The following BRAF variants were observed in gnomAD, a reference collection of about 807,000 sequenced individuals.
BRAF encodes the protein B-Raf proto-oncogene, serine/threonine kinase, also known as serine/threonine-protein kinase B-raf.
A neutral mutation model predicts 104.6 loss-of-function variants in BRAF; 16 were observed. The observed-to-expected ratio is 0.15, with a 90% CI of 0.10 to 0.23. The LOEUF is 0.23. BRAF is among the 10% of genes least tolerant of loss of function. The pLI is 1.00. For missense variants in BRAF, 541 were observed against 937.3 expected (o/e 0.58, Z 5.52); for synonymous variants, 310 against 341.6 (o/e 0.91, Z 1.02).
chr7:140,818,242 A>G (rs1805088729), intron 3 of BRAF, among the ~76,000 whole-genome samples: 1 of 151,706 alleles, frequency 6.6e-6, no homozygotes, highest in Admixed American at 6.6e-5. Flanking sequence ...AAAAATTAGT[A>G]TTTGTTCATT....
rs1320369437 is a variant in BRAF, at chr7:140,719,416, TAC to T, written c.*7076_*7077del. ...AGAACTTTTTTTGCCTTTTATATAA[TAC>T]AGTTTTTAAATAACTTTACACAGAA... On this transcript the variant is annotated 3_prime_UTR_variant, in exon 20 of 20. Coordinates refer to ENST00000644969, the MANE Select transcript of BRAF (RefSeq NM_001374258.1). The T allele has an allele frequency of 2.2e-5, 22 of 1,005,662 alleles. No homozygotes were observed. Among genetic ancestry groups the T allele is most frequent in the South Asian group, 1.9e-4 (4 of 21,098 alleles). The allele number at this position is 1,005,662 out of a possible 1,614,324, so 62.3% of individuals were successfully genotyped here.
At chr7:140,843,310 G>C (rs1808188120) in intron 2 of BRAF, among the ~76,000 whole-genome samples, 1 of 152,142 alleles carries the variant, frequency 6.6e-6, no homozygotes, top group Non-Finnish European at 1.5e-5. Flanking sequence ...TTGTATGAGG[G>C]AAAGATCTTA....
rs1795229996 is a variant in BRAF at position 140,719,669 on chromosome 7, G to A, written c.*6825C>T. 2.8e-6 allele frequency: 3 copies of A among 1,061,256 alleles called. No homozygotes were observed. In the South Asian group the frequency reaches 1.4e-4, roughly 48 times the overall value. 65.7% of individuals were successfully genotyped at this position (1,061,256 alleles called of 1,614,324 possible). ...CAAACATTGAGAATAGGGGAAAAGA[G>A]GGAGACATCATCCATTTGACTGAAA... On this transcript the variant is annotated 3_prime_UTR_variant, in exon 20 of 20. Transcript: ENST00000644969.
intron 3 of BRAF, among the ~76,000 whole-genome samples, chr7:140,822,026 G>A (rs118082092): frequency 1.3e-5 from 2 of 152,238 alleles, no homozygotes; most frequent in East Asian, 3.9e-4. Flanking sequence ...TACTAGAGCG[G>A]GGAGGGCAAA....
intron 1 of BRAF, among the ~76,000 whole-genome samples, chr7:140,859,965 G>A (rs1447563781): frequency 6.6e-6 from 1 of 152,198 alleles, no homozygotes; most frequent in Non-Finnish European, 1.5e-5. Flanking sequence ...GGGATTACAG[G>A]CGTAAGCCAC....
At chr7:140,814,671 T>A (rs1045537212) in intron 3 of BRAF, among the ~76,000 whole-genome samples, 18 of 147,684 alleles carry the variant, frequency 1.2e-4, no homozygotes, top group Middle Eastern at 7.1e-3. Context: ...TCTCAAAAAA[T>A]ATATATATAT....
At chr7:140,734,592 T>G (rs200360246) in intron 19 of BRAF, 1 of 1,613,962 alleles carries the variant, frequency 6.2e-7, no homozygotes, top group Admixed American at 1.7e-5. Context: ...TCTCACTCAT[T>G]TGTTTCAGTG....
At chr7:140,828,332 G>A (rs1383117306) in intron 3 of BRAF, among the ~76,000 whole-genome samples, 1 of 152,100 alleles carries the variant, frequency 6.6e-6, no homozygotes, top group Non-Finnish European at 1.5e-5. Context: ...TTTGTTGAGG[G>A]TTATAGTTCA....
chr7:140,915,656 G>A (rs970965376), intron 1 of BRAF, among the ~76,000 whole-genome samples: 9 of 151,826 alleles, frequency 5.9e-5, no homozygotes, highest in African/African-American at 1.2e-4. Context: ...GGTTGGTCTC[G>A]AACTCCTGAC....
intron 3 of BRAF, among the ~76,000 whole-genome samples, chr7:140,821,199 G>A (rs960847521): frequency 2.0e-5 from 3 of 152,030 alleles, no homozygotes; most frequent in Non-Finnish European, 2.9e-5. Context: ...GCCCAGGCTG[G>A]TCTTGAACTC....
At chr7:140,903,014 T>C (rs1295951178) in intron 1 of BRAF, among the ~76,000 whole-genome samples, 6 of 147,068 alleles carry the variant, frequency 4.1e-5, no homozygotes, top group African/African-American at 1.5e-4. Context: ...AACCTCTGCC[T>C]CCCGGGTTCA....
At chr7:140,817,026 T>C (rs1172517020) in intron 3 of BRAF, among the ~76,000 whole-genome samples, 3 of 152,090 alleles carry the variant, frequency 2.0e-5, no homozygotes, top group Non-Finnish European at 2.9e-5. Flanking sequence ...TTATCCTTGT[T>C]TGTGGATAAT....
intron 18 of BRAF, 29 bp from the exon 18 acceptor site, chr7:140,734,799 AAAAAAAAGAAAAAAG>A: frequency 8.3e-7 from 1 of 1,210,972 alleles, no homozygotes; most frequent in Non-Finnish European, 1.1e-6. Context: ...AAAAAAAAGA[AAAAAAAAGAAAAAAG>A]AAAAAAAAAG....
intron 14 of BRAF, among the ~76,000 whole-genome samples, chr7:140,761,004 G>T (rs1798667026): frequency 6.6e-6 from 1 of 152,102 alleles, no homozygotes; most frequent in African/African-American, 2.4e-5. Flanking sequence ...ATCTAGCAAG[G>T]CAGGCCAATG....
At chr7:140,760,913 T>C (rs1240382527) in intron 14 of BRAF, among the ~76,000 whole-genome samples, 1 of 152,102 alleles carries the variant, frequency 6.6e-6, no homozygotes, top group South Asian at 2.1e-4. Context: ...CTACGTCTGA[T>C]TAGTGTACCT....
chr7:140,874,674 G>A (rs1261720321), intron 1 of BRAF, among the ~76,000 whole-genome samples: 1 of 152,108 alleles, frequency 6.6e-6, no homozygotes, highest in African/African-American at 2.4e-5. Context: ...AGAGCAGGGA[G>A]AGAACCAGGT....
intron 7 of BRAF, among the ~76,000 whole-genome samples, chr7:140,798,693 G>A (rs945356799): frequency 8.0e-5 from 12 of 150,620 alleles, no homozygotes; most frequent in Admixed American, 6.7e-5. Flanking sequence ...AGTGTCTCAC[G>A]CCTGTAATTC....
chr7:140,739,830 C>G lies in BRAF; in HGVS notation c.2229G>C (p.Glu743Asp), dbSNP rs2130899296. Residue 743 changes from glutamate (E) to aspartate (D), a missense_variant, in exon 18 of 20, where the codon GAG (glutamate) becomes GAC (aspartate). Glu to Asp is a conservative substitution (Grantham distance 45). Transcript: ENST00000644969. ...TACTTACTTGGGGAAAGAGTGGTCTCTCATCTCTTTTCTTTTTGAGGCACT... is the reference window on the plus strand; with the variant it reads ...TACTTACTTGGGGAAAGAGTGGTCTGTCATCTCTTTTCTTTTTGAGGCACT... Reference protein sequence around the residue: ...MAECLKKKRDERPLFPQILAS... With the variant: ...MAECLKKKRDDRPLFPQILAS... The G allele has an allele frequency of 6.2e-7, 1 of 1,611,886 alleles. No homozygotes were observed. Among genetic ancestry groups the G allele is most frequent in the Non-Finnish European group, 8.5e-7 (1 of 1,179,776 alleles).
intron 7 of BRAF, among the ~76,000 whole-genome samples, chr7:140,798,685 T>C (rs972146933): frequency 6.6e-6 from 1 of 151,334 alleles, no homozygotes; most frequent in African/African-American, 2.4e-5. Flanking sequence ...TTAGGTGCAG[T>C]GTCTCACGCC....
Sources: gnomAD v4.1 joint callset for allele counts (sites outside exome capture counted in the v4.1 genomes callset) on GRCh38, gnomAD v4.1.1 for gene constraint, MANE v1.5 for transcripts, NCBI Gene and HGNC (gene_info 2026-07-23, HGNC 2026-07-21) for gene names.